The following BNC2 variants were observed in gnomAD, a reference collection of about 807,000 sequenced individuals.
BNC2 encodes zinc finger protein basonuclin-2.
A neutral mutation model predicts 76.3 loss-of-function variants in BNC2; 20 were observed. The observed-to-expected ratio is 0.26, with a 90% CI of 0.18 to 0.38. The LOEUF (loss-of-function observed/expected upper bound fraction) is 0.38, where lower values mean the gene tolerates loss of function less well. Ranked by LOEUF, BNC2 falls within the 10% of genes least tolerant of loss-of-function variation. The pLI is 1.00. For synonymous variants in BNC2, 582 were observed against 514.8 expected, an observed-to-expected ratio of 1.13 and a Z score of -1.77; for missense variants, 1,382 against 1,399.8, an observed-to-expected ratio of 0.99 and a Z score of 0.20.
intron 1 of BNC2, among the ~76,000 whole-genome samples, chr9:16,789,260 AG>A (rs767270245): frequency 6.6e-6 from 1 of 152,054 alleles, no homozygotes; most frequent in Admixed American, 6.6e-5. Flanking sequence ...GGGGGATTTT[AG>A]GGAGTAATAT....
intron 6 of BNC2, chr9:16,429,199 T>C (rs946731079): frequency 1.3e-5 from 2 of 152,184 alleles, no homozygotes; most frequent in Non-Finnish European, 2.9e-5. Flanking sequence ...CTATGGCATT[T>C]AGGCAAAGAA....
chr9:16,688,976 G>A (rs1053260428), intron 3 of BNC2, among the ~76,000 whole-genome samples: 44 of 151,992 alleles, frequency 2.9e-4, no homozygotes, highest in East Asian at 3.9e-4. Flanking sequence ...GATATGACAA[G>A]TATAAAGGCC....
chr9:16,527,263 A>G (rs1817833915), intron 5 of BNC2, among the ~76,000 whole-genome samples: 1 of 152,214 alleles, frequency 6.6e-6, no homozygotes, highest in Non-Finnish European at 1.5e-5. Flanking sequence ...TTAGTTTGCA[A>G]ACATCAGAGG....
chr9:16,635,968 T>C (rs1380571700), intron 3 of BNC2, among the ~76,000 whole-genome samples: 1 of 152,042 alleles, frequency 6.6e-6, no homozygotes, highest in Non-Finnish European at 1.5e-5. Flanking sequence ...AGGGGATACA[T>C]TAAGAGGGTT....
chr9:16,464,087 C>A lies in BNC2; in HGVS notation c.670-26563G>T, dbSNP rs1186259389. On this transcript the variant is annotated intron_variant, in intron 5 of 6. Transcript: ENST00000380672. The stretch of plus-strand genomic sequence containing the variant: ...CCAGCCTAGGAGACAGGGCAAGACC[C>A]TGTCTCCAAAAAAAAAAAAAAAAAA... 4.5e-5 allele frequency among the ~76,000 whole-genome samples: 5 copies of A among 112,336 alleles called. No homozygotes were observed. The Admixed American group carries it at 6.2e-4, about 14-fold the overall frequency. The allele number at this position is 112,336 out of a possible 152,430, so 73.7% of individuals were successfully genotyped here. A position where few individuals can be genotyped will look rare whatever the true frequency, so the allele number is the denominator to read the frequency against.
intron 5 of BNC2, among the ~76,000 whole-genome samples, chr9:16,514,221 T>C (rs1822825117): frequency 6.6e-6 from 1 of 152,202 alleles, no homozygotes; most frequent in African/African-American, 2.4e-5. Flanking sequence ...AATACTTCTA[T>C]TGTCTCCAGA....
chr9:16,852,840 A>C (rs1226153726), intron 1 of BNC2, among the ~76,000 whole-genome samples: 3 of 152,164 alleles, frequency 2.0e-5, no homozygotes, highest in Non-Finnish European at 4.4e-5. Context: ...AACCCCATGC[A>C]AAGGGCTGAG....
At chr9:16,570,156 G>C (rs770289935) in intron 4 of BNC2, among the ~76,000 whole-genome samples, 21 of 152,032 alleles carry the variant, frequency 1.4e-4, no homozygotes, top group Non-Finnish European at 2.6e-4. Flanking sequence ...AAGTGCAAAG[G>C]CAAGGCATAT....
rs537601787 is a variant in BNC2, at chr9:16,461,918, T to C, written c.670-24394A>G. Among the ~76,000 whole-genome samples the C allele has an allele frequency of 9.4e-4, 143 of 152,342 alleles. 1 individual carries two copies. Among genetic ancestry groups the C allele is most frequent in the African/African-American group, 3.3e-3 (138 of 41,576 alleles). ...TTCACAAATGCTGGTAGTGTTCTCTTTAGTATGAAAGTAAACAAACTCTTG... is the reference window on the plus strand; with the variant it reads ...TTCACAAATGCTGGTAGTGTTCTCTCTAGTATGAAAGTAAACAAACTCTTG... On this transcript the variant is annotated intron_variant, in intron 5 of 6. Coordinates refer to ENST00000380672, the MANE Select transcript of BNC2 (RefSeq NM_017637.6).
In BNC2 at chr9:16,826,353, C is replaced by T. The variant is rs534615030; in HGVS notation, c.3+44293G>A. Reference sequence around the variant, plus strand: ...AACTAGAAGGTTTTAAAAGCATCTTCAGCTGTCAGACTGTAACAAAAACAA... The same window carrying T: ...AACTAGAAGGTTTTAAAAGCATCTTTAGCTGTCAGACTGTAACAAAAACAA... On this transcript the variant is annotated intron_variant, in intron 1 of 6. Transcript: ENST00000380672. Among the ~76,000 whole-genome samples the T allele has an allele frequency of 1.3e-4, 20 of 152,034 alleles. 2 individuals carry two copies. The South Asian group carries it at 4.2e-3, about 32-fold the overall frequency.
intron 5 of BNC2, among the ~76,000 whole-genome samples, chr9:16,489,045 C>T (rs1587087887): frequency 6.6e-6 from 1 of 152,094 alleles, no homozygotes; most frequent in South Asian, 2.1e-4. Context: ...TGTTGTCAAA[C>T]AGAAATATGT....
chr9:16,492,967 T>C (rs992853149), intron 5 of BNC2, among the ~76,000 whole-genome samples: 8 of 152,140 alleles, frequency 5.3e-5, no homozygotes, highest in Admixed American at 3.3e-4. Flanking sequence ...ACATTCAGAA[T>C]ATTATGATGC....
At chr9:16,725,626 T>C (rs181604931) in intron 3 of BNC2, among the ~76,000 whole-genome samples, 17 of 152,330 alleles carry the variant, frequency 1.1e-4, no homozygotes, top group Admixed American at 1.0e-3. Context: ...CCATTAAGCA[T>C]AAATTAGTTC....
intron 4 of BNC2, among the ~76,000 whole-genome samples, chr9:16,561,508 C>A (rs1200162249): frequency 6.6e-6 from 1 of 152,158 alleles, no homozygotes; most frequent in African/African-American, 2.4e-5. Context: ...CCAGATCTTG[C>A]AGTTCCATAT....
intron 4 of BNC2, among the ~76,000 whole-genome samples, chr9:16,573,346 T>C (rs1041059404): frequency 3.9e-5 from 6 of 152,138 alleles, no homozygotes; most frequent in African/African-American, 9.7e-5. Context: ...GTATTTGACA[T>C]GATAAATCAA....
intron 1 of BNC2, among the ~76,000 whole-genome samples, chr9:16,777,006 A>G (rs1391206242): frequency 6.6e-6 from 1 of 152,064 alleles, no homozygotes; most frequent in Non-Finnish European, 1.5e-5. Context: ...CACGCCTGTA[A>G]TCCCAGCTAC....
intron 5 of BNC2, among the ~76,000 whole-genome samples, chr9:16,526,334 C>A (rs956916864): frequency 6.6e-6 from 1 of 152,064 alleles, no homozygotes; most frequent in Non-Finnish European, 1.5e-5. Flanking sequence ...AGATCGTTTA[C>A]GAGGTAAATT....
chr9:16,853,065 T>G (rs1819165180), intron 1 of BNC2, among the ~76,000 whole-genome samples: 1 of 152,152 alleles, frequency 6.6e-6, no homozygotes, highest in South Asian at 2.1e-4. Flanking sequence ...TGGATAGTCT[T>G]CTAGGAGTAG....
In BNC2 at chr9:16,714,089, C is replaced by G. The variant is rs866331157; in HGVS notation, c.330+13708G>C. On this transcript the variant is annotated intron_variant, in intron 3 of 6. Transcript: ENST00000380672. ...GAACCACACCTTGTCTCCCCTCAAC[C>G]ACCAAAATGATACTAATTTCGGTTT... Among the ~76,000 whole-genome samples the G allele has an allele frequency of 5.5e-4, 83 of 152,178 alleles. 2 individuals are homozygous for G. Among genetic ancestry groups the G allele is most frequent in the Admixed American group, 5.2e-4 (8 of 15,280 alleles).
Sources: allele counts gnomAD v4.1 joint callset (sites outside exome capture counted in the v4.1 genomes callset), GRCh38; gene constraint gnomAD v4.1.1; transcripts MANE v1.5; gene names NCBI Gene and HGNC (gene_info 2026-07-23, HGNC 2026-07-21).